The following PTK2 variants were observed in gnomAD, a reference collection of about 807,000 sequenced individuals.
PTK2 encodes the protein focal adhesion kinase 1.
A neutral mutation model predicts 150.1 loss-of-function variants in PTK2; 45 were observed. That is an observed-to-expected ratio of 0.30 (90% CI 0.24 to 0.38). PTK2 has a LOEUF of 0.38. Ranked by LOEUF, PTK2 falls within the 10% of genes least tolerant of loss-of-function variation. The pLI, the probability that PTK2 is intolerant of heterozygous loss-of-function variation, is 1.00. For missense variants in PTK2, 919 were observed against 1,307.3 expected (o/e 0.70, Z 4.58); for synonymous variants, 432 against 449.2 (o/e 0.96, Z 0.48).
chr8:140,910,777 T>C (rs2100162812), intron 2 of PTK2, among the ~76,000 whole-genome samples: 1 of 152,126 alleles, frequency 6.6e-6, no homozygotes, highest in Non-Finnish European at 1.5e-5. Flanking sequence ...ATTGCCCCAT[T>C]CTCTCCAAAA....
At chr8:141,000,125 ACC>A (rs373286537) in intron 1 of PTK2, among the ~76,000 whole-genome samples, 3,446 of 141,822 alleles carry the variant, frequency 0.024, 91 homozygotes, top group Middle Eastern at 0.045. Flanking sequence ...ACACACACAC[ACC>A]CCTTCTTCTA....
chr8:140,830,806 A>C (rs1483796396), intron 7 of PTK2, among the ~76,000 whole-genome samples: 1 of 152,190 alleles, frequency 6.6e-6, no homozygotes, highest in African/African-American at 2.4e-5. Context: ...CTCTTCTAAA[A>C]TATTCCCTCT....
chr8:140,902,315 G>A lies in PTK2; in HGVS notation c.-32-11546C>T, dbSNP rs536065223. On this transcript the variant is annotated intron_variant, in intron 2 of 31. Transcript: ENST00000522684. Reference sequence around the variant, plus strand: ...CTCCAAAAGTACTGGGATTACAGGCGTGAGCCACCGTGCCCAGCCACCATA... The same window carrying A: ...CTCCAAAAGTACTGGGATTACAGGCATGAGCCACCGTGCCCAGCCACCATA... 6.9e-4 allele frequency among the ~76,000 whole-genome samples: 105 copies of A among 152,306 alleles called. 1 individual carries two copies. The highest frequency in any genetic ancestry group is 2.2e-3 in the African/African-American group (90 of 41,572).
At chr8:140,837,829 C>T (rs147815879) in intron 7 of PTK2, among the ~76,000 whole-genome samples, 109 of 152,104 alleles carry the variant, frequency 7.2e-4, no homozygotes, top group African/African-American at 2.0e-3. Flanking sequence ...AAGGCCGATG[C>T]GGGCTGATCA....
At chr8:140,682,210 T>C (rs181114013) in intron 27 of PTK2, among the ~76,000 whole-genome samples, 1 of 152,226 alleles carries the variant, frequency 6.6e-6, no homozygotes, top group Non-Finnish European at 1.5e-5. Context: ...TGTGAAACCC[T>C]GTCTTTACTA....
chr8:140,974,638 T>G (rs2100188611), intron 1 of PTK2, among the ~76,000 whole-genome samples: 1 of 152,214 alleles, frequency 6.6e-6, no homozygotes, highest in Non-Finnish European at 1.5e-5. Context: ...TGGGATGATG[T>G]TTCCCTTGCC....
At chr8:140,756,759 G>A (rs2100066044) in intron 16 of PTK2, among the ~76,000 whole-genome samples, 1 of 151,416 alleles carries the variant, frequency 6.6e-6, no homozygotes, top group African/African-American at 2.4e-5. Context: ...GGAGGCAGAG[G>A]CAGGTGGATC....
At chr8:140,734,912 T>A (rs2100051714) in intron 22 of PTK2, 1 of 425,698 alleles carries the variant, frequency 2.3e-6, no homozygotes, top group African/African-American at 2.0e-5. Flanking sequence ...GATCACAAAG[T>A]GTGAGGGAGA....
intron 11 of PTK2, among the ~76,000 whole-genome samples, chr8:140,802,280 ATGTT>A (rs923657882): frequency 1.2e-4 from 19 of 152,110 alleles, no homozygotes; most frequent in African/African-American, 4.1e-4. Flanking sequence ...GCTAGCGTGT[ATGTT>A]TGTGTCTTAC....
At chr8:140,706,165 C>T in exon 24 of PTK2, 2 of 1,613,648 alleles carry the variant, frequency 1.2e-6, no homozygotes, top group Non-Finnish European at 1.7e-6. Context: ...GGGATAAAAT[C>T]CTTCGCTGGA....
chr8:140,782,213 A>C (rs917993557), intron 14 of PTK2, among the ~76,000 whole-genome samples: 3 of 150,700 alleles, frequency 2.0e-5, no homozygotes, highest in Non-Finnish European at 4.4e-5. Context: ...TATAATTTAC[A>C]AAAATGAATT....
intron 1 of PTK2, among the ~76,000 whole-genome samples, chr8:140,938,867 G>A (rs981012765): frequency 3.9e-5 from 6 of 152,082 alleles, no homozygotes; most frequent in African/African-American, 7.2e-5. Flanking sequence ...TTTTACCTAG[G>A]TGTGGTGGTG....
exon 18 of PTK2, chr8:140,746,785 A>G (rs1219754498): frequency 6.2e-7 from 1 of 1,612,602 alleles, no homozygotes; most frequent in Non-Finnish European, 8.5e-7. Context: ...CAGCTCCATG[A>G]TTATCCAGAC....
intron 2 of PTK2, among the ~76,000 whole-genome samples, chr8:140,899,616 T>C (rs1051735014): frequency 6.6e-6 from 1 of 152,110 alleles, no homozygotes; most frequent in Non-Finnish European, 1.5e-5. Flanking sequence ...CAGTATTACC[T>C]TTACAACAAA....
chr8:140,711,187 A>G (rs1180426597), intron 23 of PTK2, among the ~76,000 whole-genome samples: 1 of 152,094 alleles, frequency 6.6e-6, no homozygotes, highest in Admixed American at 6.5e-5. Context: ...GCTCGCTGCA[A>G]CCTCTGCCTC....
chr8:140,927,812 G>A (rs772908348), intron 1 of PTK2, among the ~76,000 whole-genome samples: 5 of 150,806 alleles, frequency 3.3e-5, no homozygotes, highest in Admixed American at 2.0e-4. Context: ...AAAATTGGCC[G>A]CGCGTGGTGG....
intron 2 of PTK2, among the ~76,000 whole-genome samples, chr8:140,900,581 G>C (rs1424135994): frequency 6.6e-6 from 1 of 151,982 alleles, no homozygotes. Flanking sequence ...AATTTGCCAG[G>C]CATGGTATCA....
rs776833186 is a variant in PTK2 at position 140,818,964 on chromosome 8, A to G, written c.705T>C (p.Asn235=). 4 of 1,613,530 alleles carry G rather than the reference A, an allele frequency of 2.5e-6. No individual in the cohort carries two copies. In the South Asian group the frequency reaches 4.4e-5, roughly 18 times the overall value. ...AGAATTTCAGAATACTTTCTTCTCT[A>G]TTAAGGTTGGCAAATTGTCTAAATG... The change falls in exon 9 of 32, where the codon AAT becomes AAC. Residue 235 remains asparagine (N), a synonymous_variant. Coordinates refer to ENST00000522684, the Ensembl canonical transcript of PTK2.
intron 13 of PTK2, among the ~76,000 whole-genome samples, chr8:140,791,222 C>T (rs571579918): frequency 5.9e-4 from 90 of 152,284 alleles, no homozygotes; most frequent in Middle Eastern, 6.8e-3. Flanking sequence ...GTCACCCAGA[C>T]TCGAGTGTGG....
Sources: gnomAD v4.1 joint callset for allele counts (sites outside exome capture counted in the v4.1 genomes callset) on GRCh38, gnomAD v4.1.1 for gene constraint, MANE v1.5 for transcripts, NCBI Gene and HGNC (gene_info 2026-07-23, HGNC 2026-07-21) for gene names.